The following SGCZ variants were observed in gnomAD, a reference collection of about 807,000 sequenced individuals.
SGCZ encodes the protein sarcoglycan zeta, also known as zeta-sarcoglycan.
A neutral mutation model predicts 41.3 loss-of-function variants in SGCZ; 40 were observed. That is an observed-to-expected ratio of 0.97 (90% CI 0.75 to 1.26). The LOEUF is 1.26. SGCZ is among the 50% of genes most tolerant of loss of function. The pLI is 0.00. For synonymous variants in SGCZ, 206 were observed against 137.5 expected, an observed-to-expected ratio of 1.50 and a Z score of -3.49; for missense variants, 552 against 369.8, an observed-to-expected ratio of 1.49 and a Z score of -4.04.
intron 1 of SGCZ, among the ~76,000 whole-genome samples, chr8:15,179,128 TA>T (rs957283906): frequency 9.9e-5 from 15 of 152,132 alleles, no homozygotes; most frequent in African/African-American, 3.1e-4. Context: ...ACTAAAATAG[TA>T]AATTTTAATA....
intron 1 of SGCZ, among the ~76,000 whole-genome samples, chr8:14,586,477 T>G (rs534096350): frequency 6.6e-6 from 1 of 152,342 alleles, no homozygotes; most frequent in East Asian, 1.9e-4. Flanking sequence ...CTTTCCAAAG[T>G]GTTGGGATTG....
intron 1 of SGCZ, among the ~76,000 whole-genome samples, chr8:15,149,750 T>C (rs553084892): frequency 7.0e-6 from 1 of 142,988 alleles, no homozygotes; most frequent in Non-Finnish European, 1.5e-5. Flanking sequence ...TGGAGGGTAA[T>C]TTGACAATCT....
chr8:14,587,601 A>G (rs975165218), intron 1 of SGCZ, among the ~76,000 whole-genome samples: 2 of 152,214 alleles, frequency 1.3e-5, no homozygotes, highest in Admixed American at 1.3e-4. Flanking sequence ...ACACAGTGAC[A>G]GTCTTATTGC....
chr8:14,543,438 G>A (rs1018431457), intron 2 of SGCZ, among the ~76,000 whole-genome samples: 1 of 151,988 alleles, frequency 6.6e-6, no homozygotes, highest in African/African-American at 2.4e-5. Context: ...ACATGATTGG[G>A]TAAAAATGAA....
intron 1 of SGCZ, among the ~76,000 whole-genome samples, chr8:15,011,968 G>A (rs1020625291): frequency 3.3e-5 from 5 of 152,000 alleles, no homozygotes; most frequent in Non-Finnish European, 5.9e-5. Context: ...AAGAAATTAC[G>A]TCAAAGAAGA....
intron 1 of SGCZ, among the ~76,000 whole-genome samples, chr8:14,707,180 C>T (rs1176450643): frequency 9.5e-6 from 1 of 105,424 alleles, no homozygotes; most frequent in Non-Finnish European, 1.9e-5. Context: ...CTAACCCTCC[C>T]CCCTCCCCCC....
chr8:15,144,471 CTT>C (rs113909802), intron 1 of SGCZ, among the ~76,000 whole-genome samples: 11 of 145,412 alleles, frequency 7.6e-5, no homozygotes, highest in Non-Finnish European at 7.6e-5. Context: ...TTGACATTCA[CTT>C]TTTTTTTTTT....
intron 1 of SGCZ, among the ~76,000 whole-genome samples, chr8:14,782,622 C>T (rs942515528): frequency 1.3e-5 from 2 of 152,056 alleles, no homozygotes; most frequent in Non-Finnish European, 2.9e-5. Context: ...AATAAACAAT[C>T]CAGTTGTGAC....
At chr8:14,338,369 G>A (rs535440750) in intron 2 of SGCZ, among the ~76,000 whole-genome samples, 1 of 152,172 alleles carries the variant, frequency 6.6e-6, no homozygotes, top group East Asian at 1.9e-4. Flanking sequence ...TCCAAGGGTA[G>A]ACACCCACGT....
At chr8:14,719,001 C>T (rs1809792434) in intron 1 of SGCZ, among the ~76,000 whole-genome samples, 1 of 105,190 alleles carries the variant, frequency 9.5e-6, no homozygotes, top group African/African-American at 3.6e-5. Context: ...TATCCCTCCC[C>T]CCTCCCCCCA....
chr8:14,437,929 C>T (rs183643084), intron 2 of SGCZ, among the ~76,000 whole-genome samples: 33 of 151,582 alleles, frequency 2.2e-4, no homozygotes, highest in Middle Eastern at 3.5e-3. Flanking sequence ...AGATGATTAC[C>T]GATTTGTGTT....
intron 1 of SGCZ, among the ~76,000 whole-genome samples, chr8:14,589,023 C>A (rs2117279162): frequency 6.6e-6 from 1 of 152,150 alleles, no homozygotes; most frequent in Non-Finnish European, 1.5e-5. Flanking sequence ...AATATGCATT[C>A]TTCTTTCACC....
intron 1 of SGCZ, among the ~76,000 whole-genome samples, chr8:14,763,381 A>G (rs1799948252): frequency 6.6e-6 from 1 of 152,122 alleles, no homozygotes; most frequent in Non-Finnish European, 1.5e-5. Flanking sequence ...AATCTCTCAC[A>G]TCTGCTCACT....
intron 1 of SGCZ, among the ~76,000 whole-genome samples, chr8:15,012,983 T>C (rs1480120557): frequency 1.3e-5 from 2 of 151,964 alleles, no homozygotes; most frequent in Non-Finnish European, 2.9e-5. Context: ...TAGGTTTATA[T>C]TTGGAAAAGC....
At chr8:14,432,910 T>A (rs1184093641) in intron 2 of SGCZ, among the ~76,000 whole-genome samples, 3 of 49,068 alleles carry the variant, frequency 6.1e-5, no homozygotes, top group Admixed American at 3.8e-4. Flanking sequence ...TGAGACTGTG[T>A]CTCCAAAAAA....
chr8:14,376,180 G>A (rs998828373), intron 2 of SGCZ, among the ~76,000 whole-genome samples: 7 of 151,982 alleles, frequency 4.6e-5, no homozygotes, highest in East Asian at 1.9e-4. Context: ...GCATGGTGGC[G>A]GCCGCCTGTA....
intron 1 of SGCZ, among the ~76,000 whole-genome samples, chr8:14,976,878 G>A (rs1001372193): frequency 1.3e-5 from 2 of 152,182 alleles, no homozygotes; most frequent in Admixed American, 6.5e-5. Context: ...ACCATATGTA[G>A]TGGCTTAAGT....
chr8:14,507,774 G>GTT (rs61638509), intron 2 of SGCZ, among the ~76,000 whole-genome samples: 4,227 of 135,282 alleles, frequency 0.031, 92 homozygotes, highest in East Asian at 0.075. Flanking sequence ...TTTTGTTTTT[G>GTT]TTTTTTTTTT....
chr8:14,995,938 C>G (rs2130902878), intron 1 of SGCZ, among the ~76,000 whole-genome samples: 1 of 152,100 alleles, frequency 6.6e-6, no homozygotes, highest in East Asian at 1.9e-4. Context: ...GAATCTTGCT[C>G]TGTTGTCCGG....
Sources: gnomAD v4.1 joint callset for allele counts (sites outside exome capture counted in the v4.1 genomes callset) on GRCh38, gnomAD v4.1.1 for gene constraint, MANE v1.5 for transcripts, NCBI Gene and HGNC (gene_info 2026-07-23, HGNC 2026-07-21) for gene names.